LYRM4: variants seen among roughly 807,000 people sequenced by gnomAD.
LYRM4 encodes LYR motif-containing protein 4.
LYRM4 carries 9 observed loss-of-function variants against 11.7 expected under a neutral mutation model. That is an observed-to-expected ratio of 0.77 (90% CI 0.46 to 1.34). The LOEUF is 1.34. Among genes scored for constraint, LYRM4 ranks in the 40% most tolerant of loss-of-function variants. The probability of loss-of-function intolerance (pLI) is 0.00; values close to 1 mark genes in which losing one functional copy is unlikely to be tolerated. For synonymous variants in LYRM4, 42 were observed against 40.4 expected (o/e 1.04, Z -0.15); for missense variants, 133 against 112.5 (o/e 1.18, Z -0.82).
chr6:5,251,889 C>G (rs1043870542), intron 1 of LYRM4, among the ~76,000 whole-genome samples: 1 of 152,206 alleles, frequency 6.6e-6, no homozygotes, highest in Non-Finnish European at 1.5e-5. Flanking sequence ...GCTCATGGTT[C>G]TAATTCCTCA....
At chr6:5,121,096 T>G (rs530538354) in intron 2 of LYRM4, among the ~76,000 whole-genome samples, 1 of 152,204 alleles carries the variant, frequency 6.6e-6, no homozygotes, top group South Asian at 2.1e-4. Flanking sequence ...TATTACCTGG[T>G]TTTCCTTCCC....
chr6:5,046,204 T>C, the LYRM4 span, among the ~76,000 whole-genome samples: 1 of 152,044 alleles, frequency 6.6e-6, no homozygotes, highest in African/African-American at 2.4e-5. Flanking sequence ...TGCAGTGCAG[T>C]GGTGCAATCT....
At chr6:5,236,673 C>T (rs1372026776) in intron 1 of LYRM4, among the ~76,000 whole-genome samples, 6 of 150,778 alleles carry the variant, frequency 4.0e-5, no homozygotes, top group Non-Finnish European at 8.9e-5. Flanking sequence ...GGGGGCCAAG[C>T]GCAGTAGCTC....
At chr6:5,138,763 TAA>T in intron 2 of LYRM4, 2 of 1,518,408 alleles carry the variant, frequency 1.3e-6, no homozygotes, top group Non-Finnish European at 8.8e-7. Context: ...GAGAAAAAAA[TAA>T]AAGTTAAGAG....
the LYRM4 span, among the ~76,000 whole-genome samples, chr6:5,095,342 AG>A: frequency 6.6e-6 from 1 of 152,236 alleles, no homozygotes; most frequent in East Asian, 1.9e-4. Flanking sequence ...TGAGTCAGGC[AG>A]CCTGCGAACT....
the LYRM4 span, among the ~76,000 whole-genome samples, chr6:5,034,982 T>C: frequency 1.6e-4 from 25 of 151,830 alleles, no homozygotes; most frequent in Non-Finnish European, 2.5e-4. Flanking sequence ...CTGAGTGCTA[T>C]ACAAGAAAAG....
chr6:5,231,411 G>A (rs1763235256), intron 1 of LYRM4, among the ~76,000 whole-genome samples: 1 of 152,130 alleles, frequency 6.6e-6, no homozygotes, highest in Non-Finnish European at 1.5e-5. Context: ...GGAACAAGCT[G>A]GGCCTCTGTT....
chr6:5,242,792 A>C (rs1000042191), intron 1 of LYRM4, among the ~76,000 whole-genome samples: 2 of 134,184 alleles, frequency 1.5e-5, no homozygotes, highest in African/African-American at 2.9e-5. Flanking sequence ...TTTGAGACGG[A>C]GTCTCGCTCT....
At chr6:5,071,810 G>T in the LYRM4 span, among the ~76,000 whole-genome samples, 2 of 151,944 alleles carry the variant, frequency 1.3e-5, no homozygotes, top group East Asian at 1.9e-4. Flanking sequence ...GCTAATTTTT[G>T]TGTGTGTGTT....
chr6:5,039,627 G>A, the LYRM4 span, among the ~76,000 whole-genome samples: 51,166 of 152,052 alleles, frequency 0.34, 11,473 homozygotes, highest in African/African-American at 0.64. Context: ...GCTATCATCT[G>A]TGAAACATCA....
At chr6:5,048,918 T>TTGTTCCAGAGGGC in the LYRM4 span, among the ~76,000 whole-genome samples, 1 of 152,158 alleles carries the variant, frequency 6.6e-6, no homozygotes, top group Admixed American at 6.5e-5. Flanking sequence ...TTAGCAGGAC[T>TTGTTCCAGAGGGC]TGTTCCAGAG....
At chr6:5,086,722 A>AC in the LYRM4 span, 2 of 632,052 alleles carry the variant, frequency 3.2e-6, no homozygotes, top group South Asian at 2.0e-5. Flanking sequence ...GTCGACTCGC[A>AC]CCCCCGCAGA....
chr6:5,238,997 C>T (rs967201879), intron 1 of LYRM4, among the ~76,000 whole-genome samples: 7 of 152,158 alleles, frequency 4.6e-5, no homozygotes, highest in East Asian at 3.9e-4. Flanking sequence ...TACTTTTACA[C>T]GCATGTGTTA....
intron 2 of LYRM4, chr6:5,187,029 CA>C: frequency 1.0e-6 from 1 of 966,708 alleles, no homozygotes. Flanking sequence ...AATGGGGCCC[CA>C]AAATAAATGA....
chr6:5,165,254 A>G (rs1759010967), intron 2 of LYRM4, among the ~76,000 whole-genome samples: 1 of 152,174 alleles, frequency 6.6e-6, no homozygotes, highest in African/African-American at 2.4e-5. Flanking sequence ...CTGTTATAGC[A>G]ATTTGTCAAT....
chr6:5,155,255 T>G (rs1758345831), intron 2 of LYRM4, among the ~76,000 whole-genome samples: 1 of 152,164 alleles, frequency 6.6e-6, no homozygotes. Context: ...AATTTTTGCA[T>G]TTTTAGTAGA....
chr6:5,134,763 A>G (rs933826410), intron 2 of LYRM4, among the ~76,000 whole-genome samples: 1 of 152,244 alleles, frequency 6.6e-6, no homozygotes, highest in Non-Finnish European at 1.5e-5. Context: ...ACATTTTTCC[A>G]TAATAACAGG....
chr6:5,260,598 T>TACCCCGGCCCCGGGCCCCCCCCC, intron 1 of LYRM4, 50 bp downstream of exon 1: 1 of 1,105,570 alleles, frequency 9.0e-7, no homozygotes, highest in Non-Finnish European at 1.3e-6. Context: ...GCACCCCCGG[T>TACCCCGGCCCCGGGCCCCCCCCC]CCCCGGCCCC....
At chr6:5,260,602 C>CCGGCCCCG in intron 1 of LYRM4, 46 bp downstream of exon 1, 32 of 1,203,586 alleles carry the variant, frequency 2.7e-5, no homozygotes, top group Non-Finnish European at 3.6e-5. Context: ...CCCCGGTCCC[C>CCGGCCCCG]GGCCCCTGGC....
Sources: allele counts gnomAD v4.1 joint callset (sites outside exome capture counted in the v4.1 genomes callset), GRCh38; gene constraint gnomAD v4.1.1; transcripts MANE v1.5; gene names NCBI Gene and HGNC (gene_info 2026-07-23, HGNC 2026-07-21).